Variants in RO60 observed in about 807,000 individuals in gnomAD.
The protein encoded by RO60 is RNA-binding protein RO60.
Under a neutral mutation model 55.3 loss-of-function variants are expected in RO60, and 20 were observed. The observed-to-expected ratio is 0.36, with a 90% CI of 0.25 to 0.53. The LOEUF (loss-of-function observed/expected upper bound fraction) is 0.53. Ranked by LOEUF, RO60 falls within the 20% of genes least tolerant of loss-of-function variation. The pLI, the probability that RO60 is intolerant of heterozygous loss-of-function variation, is 0.92. For synonymous variants in RO60, 213 were observed against 213.6 expected, an observed-to-expected ratio of 1.00 and a Z score of 0.02; for missense variants, 558 against 646.6, an observed-to-expected ratio of 0.86 and a Z score of 1.49.
chr1:193,081,615 A>T, intron 6 of RO60, 135 bp downstream of exon 6: 2 of 566,252 alleles, frequency 3.5e-6, no homozygotes, highest in African/African-American at 3.8e-5. Flanking sequence ...TTAATTTTAT[A>T]TTTAAAGATA....
At position 193,082,199 on chromosome 1, in the gene RO60, C is replaced by T. The variant is rs1438681689; in HGVS notation, c.1217C>T (p.Thr406Ile). The T allele has an allele frequency of 6.2e-7, 1 of 1,611,268 alleles. No homozygotes were observed. ...TGAATTTTTCAGGTTGTCACACGAA[C>T]AGAAAAAGATTCTTATGTAGTTGCT... ...AAAMCMVVTR[T>I]EKDSYVVAFS... The change falls in exon 7 of 9, where the codon ACA (threonine) becomes ATA (isoleucine). Residue 406 changes from threonine to isoleucine, a missense_variant. Coordinates refer to ENST00000400968, the MANE Select transcript of RO60 (RefSeq NM_001173524.2).
chr1:193,069,719 T>C (rs1572071235), intron 2 of RO60, 85 bp downstream of exon 2: 4 of 1,072,390 alleles, frequency 3.7e-6, no homozygotes, highest in East Asian at 5.1e-5. Context: ...AAGACAAGTG[T>C]GTAATATTTT....
Position 193,082,598 on chromosome 1 carries a change from A to T in RO60, c.1354A>T (p.Ile452Phe). Residue 452 changes from isoleucine to phenylalanine, a missense_variant, in exon 8 of 9, where the codon ATC (isoleucine) becomes TTC (phenylalanine). Physicochemically the swap from Ile to Phe is conservative, Grantham distance 21. Coordinates refer to ENST00000400968, the MANE Select transcript of RO60 (RefSeq NM_001173524.2). ...AGGTDCSLPM[I>F]WAQKTNTPAD... is the part of the protein sequence containing the mutation. Reference sequence around the variant, plus strand: ...TGGAACTGATTGCTCTCTTCCAATGATCTGGGCTCAGAAGACAAACACACC... The same window carrying T: ...TGGAACTGATTGCTCTCTTCCAATGTTCTGGGCTCAGAAGACAAACACACC... The T allele has an allele frequency of 6.2e-7, 1 of 1,613,958 alleles. No homozygotes were observed. The highest frequency in any genetic ancestry group is 2.2e-5 in the East Asian group (1 of 44,862).
chr1:193,075,949 G>A lies in RO60; in HGVS notation c.710G>A (p.Arg237His), dbSNP rs751221050. 2.3e-5 allele frequency: 37 copies of A among 1,613,076 alleles called. No homozygotes were observed. The highest frequency in any genetic ancestry group is 6.7e-5 in the African/African-American group (5 of 74,840). Residue 237 changes from arginine to histidine, a missense_variant, in exon 3 of 9, where the codon CGC becomes CAC. Coordinates refer to ENST00000400968, the MANE Select transcript of RO60 (RefSeq NM_001173524.2). Reference sequence around the variant, plus strand: ...CTGGAGGCTGTAGAGAAAGTGAAGCGCACAAGAGATGAGCTAGAAGTCATT... The same window carrying A: ...CTGGAGGCTGTAGAGAAAGTGAAGCACACAAGAGATGAGCTAGAAGTCATT... Reference protein sequence around the residue: ...KYLEAVEKVKRTRDELEVIHL... With the variant: ...KYLEAVEKVKHTRDELEVIHL...
rs1674829730 is a variant in RO60 at position 193,090,858 on chromosome 1, C to T, written c.*6127C>T. ...GTTCTAATGTTTCTGAAATACAGAA[C>T]TCAAAGGGTCTTTTAGAGCTTTTAA... On this transcript the variant is annotated 3_prime_UTR_variant, in exon 9 of 9. Coordinates refer to ENST00000400968, the MANE Select transcript of RO60 (RefSeq NM_001173524.2). 6.6e-6 allele frequency: 1 copy of T among 151,912 alleles called. No individual in the cohort carries two copies. The highest frequency in any genetic ancestry group is 1.5e-5 in the Non-Finnish European group (1 of 67,924). The allele number at this position is 151,912 out of a possible 1,614,324, so 9.4% of individuals were successfully genotyped here.
chr1:193,069,816 C>G (rs895758921), intron 2 of RO60, among the ~76,000 whole-genome samples, 182 bp downstream of exon 2: 8 of 152,158 alleles, frequency 5.3e-5, no homozygotes, highest in African/African-American at 1.7e-4. Context: ...CACAGGCGAT[C>G]CAGACATTAA....
At chr1:193,060,597 G>T (rs955928267) in intron 1 of RO60, among the ~76,000 whole-genome samples, 1 of 152,114 alleles carries the variant, frequency 6.6e-6, no homozygotes, top group African/African-American at 2.4e-5. Flanking sequence ...GGAGCCTTGT[G>T]CTACAGATTA....
intron 2 of RO60, among the ~76,000 whole-genome samples, chr1:193,071,742 A>G (rs2370081): frequency 0.67 from 99,225 of 148,080 alleles, 34,170 homozygotes; most frequent in Non-Finnish European, 0.76. Context: ...ATATATATAT[A>G]CACCTATATA....
chr1:193,070,714 A>G, intron 2 of RO60: 1 of 279,872 alleles, frequency 3.6e-6, no homozygotes, highest in Non-Finnish European at 7.6e-6. Context: ...AGCACCTAAC[A>G]TGTAGTAGAA....
At chr1:193,080,254 AAAC>A in intron 5 of RO60, among the ~76,000 whole-genome samples, 1 of 152,228 alleles carries the variant, frequency 6.6e-6, no homozygotes, top group Non-Finnish European at 1.5e-5. Context: ...AAAAAGCAGA[AAAC>A]AAGAGTTGGG....
chr1:193,061,790 C>T (rs1033693984), intron 1 of RO60, among the ~76,000 whole-genome samples: 5 of 152,292 alleles, frequency 3.3e-5, no homozygotes, highest in Admixed American at 1.3e-4. Context: ...CAAGACCAGC[C>T]TGGCCAACAT....
intron 2 of RO60, chr1:193,070,672 A>G: frequency 5.1e-6 from 2 of 392,356 alleles, no homozygotes; most frequent in South Asian, 1.8e-5. Flanking sequence ...GGTAAGGAGA[A>G]TAAGCTTACA....
chr1:193,075,636 G>C (rs1469141352), intron 2 of RO60, among the ~76,000 whole-genome samples, 184 bp from the exon 3 acceptor site: 1 of 151,988 alleles, frequency 6.6e-6, no homozygotes, highest in Non-Finnish European at 1.5e-5. Context: ...AGTAATGATG[G>C]AATAAGAAAA....
At chr1:193,068,794 A>G (rs1047175655) in intron 1 of RO60, among the ~76,000 whole-genome samples, 6 of 152,230 alleles carry the variant, frequency 3.9e-5, no homozygotes, top group Admixed American at 1.3e-4. Context: ...TAAAAACTGA[A>G]GATATTACTG....
At chr1:193,080,315 A>G (rs1265109781) in intron 5 of RO60, among the ~76,000 whole-genome samples, 7 of 152,128 alleles carry the variant, frequency 4.6e-5, no homozygotes, top group Non-Finnish European at 8.8e-5. Flanking sequence ...GTGGGAATGT[A>G]AAATGGTAAA....
intron 1 of RO60, among the ~76,000 whole-genome samples, chr1:193,068,293 A>G (rs986751922): frequency 3.3e-5 from 5 of 152,198 alleles, no homozygotes; most frequent in Admixed American, 6.5e-5. Context: ...AAATTATGAA[A>G]GAAACTCAGG....
chr1:193,075,811 T>C lies in RO60; in HGVS notation c.581-9T>C, dbSNP rs1215679847. 6.3e-7 allele frequency: 1 copy of C among 1,576,408 alleles called. No individual in the cohort carries two copies. Among genetic ancestry groups the C allele is most frequent in the Non-Finnish European group, 8.6e-7 (1 of 1,163,500 alleles). The stretch of plus-strand genomic sequence containing the variant: ...CTGCATGCTTTTTCAATTCTTTATC[T>C]TGTTAAAGGACTTGCAATTGTGACC... On this transcript the variant is annotated splice_polypyrimidine_tract_variant and intron_variant, in intron 2 of 8. Coordinates refer to ENST00000400968, the MANE Select transcript of RO60 (RefSeq NM_001173524.2).
intron 1 of RO60, among the ~76,000 whole-genome samples, chr1:193,062,012 T>G (rs1433965558): frequency 6.6e-6 from 1 of 152,080 alleles, no homozygotes; most frequent in Non-Finnish European, 1.5e-5. Context: ...GTCCATGCTT[T>G]TAATATTATA....
Position 193,081,534 on chromosome 1 carries a change from AAAACT to A in RO60, c.1203+56_1203+60del, listed in dbSNP as rs748034029. On this transcript the variant is annotated intron_variant, in intron 6 of 8. Coordinates refer to ENST00000400968, the MANE Select transcript of RO60 (RefSeq NM_001173524.2). ...TCTAAAAACATGTTTACTGTAGAGCAAAACTATAAGATTAATAATGATTAAGAATT... is the reference window on the plus strand; with the variant it reads ...TCTAAAAACATGTTTACTGTAGAGCAATAAGATTAATAATGATTAAGAATT... 1.0e-3 allele frequency: 979 copies of A among 938,452 alleles called. 3 individuals carry two copies. The highest frequency in any genetic ancestry group is 1.4e-3 in the Non-Finnish European group (839 of 580,128). The allele number at this position is 938,452 out of a possible 1,614,324, so 58.1% of individuals were successfully genotyped here. A position where few individuals can be genotyped will look rare whatever the true frequency, so the allele number is the denominator to read the frequency against.
Sources: allele counts gnomAD v4.1 joint callset (sites outside exome capture counted in the v4.1 genomes callset), GRCh38; gene constraint gnomAD v4.1.1; transcripts MANE v1.5; gene names NCBI Gene and HGNC (gene_info 2026-07-23, HGNC 2026-07-21).